Variants in GRIK2 observed in about 807,000 individuals in gnomAD.
GRIK2 encodes glutamate receptor ionotropic, kainate 2.
A neutral mutation model predicts 100.3 loss-of-function variants in GRIK2; 32 were observed. The observed-to-expected ratio is 0.32, with a 90% confidence interval of 0.24 to 0.43. The LOEUF is 0.43. GRIK2 is among the 20% of genes least tolerant of loss of function. The probability of loss-of-function intolerance (pLI) is 1.00; values close to 1 mark genes in which losing one functional copy is unlikely to be tolerated. For synonymous variants in GRIK2, 417 were observed against 389.4 expected (o/e 1.07, Z -0.83); for missense variants, 843 against 1,114.9 (o/e 0.76, Z 3.47).
rs533073398 is a variant in GRIK2 at position 101,908,851 on chromosome 6, T to C, written c.1749-15750T>C. Among the ~76,000 whole-genome samples, 3 of 151,418 alleles carry C rather than the reference T, an allele frequency of 2.0e-5. No homozygotes were observed. In the South Asian group the frequency reaches 6.2e-4, roughly 31 times the overall value. ...AATATCAATCATATTGAGAACATCA[T>C]AAAATTCTTTTGGAATGAAAAGGTG... On this transcript the variant is annotated intron_variant, in intron 12 of 16. Coordinates refer to ENST00000369134, the MANE Select transcript of GRIK2 (RefSeq NM_021956.5).
intron 2 of GRIK2, among the ~76,000 whole-genome samples, chr6:101,438,035 C>A (rs1190119894): frequency 6.6e-6 from 1 of 152,130 alleles, no homozygotes; most frequent in East Asian, 1.9e-4. Flanking sequence ...TGCTACCAAA[C>A]AGCTATGATA....
intron 2 of GRIK2, among the ~76,000 whole-genome samples, chr6:101,527,322 C>G (rs142878804): frequency 1.3e-3 from 196 of 152,242 alleles, no homozygotes; most frequent in African/African-American, 4.5e-3. Flanking sequence ...TTCCACCAAT[C>G]AATTTTCAGA....
rs1372120727 is a variant in GRIK2, at chr6:101,899,096, G to GT, written c.1748+9238dup. Among the ~76,000 whole-genome samples, 304 of 133,076 alleles carry GT rather than the reference G, an allele frequency of 2.3e-3. 2 individuals are homozygous for GT. The highest frequency in any genetic ancestry group is 5.4e-3 in the African/African-American group (196 of 36,182). The allele number at this position is 133,076 out of a possible 152,430, so 87.3% of individuals were successfully genotyped here. A position where few individuals can be genotyped will look rare whatever the true frequency, so the allele number is the denominator to read the frequency against. Reference sequence around the variant, plus strand: ...AGAAAGAGAGAGGTTTCTTTTTGTTGTTTTTGTTTTTTTTTTTTTTAAGAA... The same window carrying GT: ...AGAAAGAGAGAGGTTTCTTTTTGTTGTTTTTTGTTTTTTTTTTTTTTAAGAA... On this transcript the variant is annotated intron_variant, in intron 12 of 16. Transcript: ENST00000369134.
chr6:101,495,984 C>T (rs971920220), intron 2 of GRIK2, among the ~76,000 whole-genome samples: 6 of 152,070 alleles, frequency 3.9e-5, no homozygotes, highest in East Asian at 1.9e-4. Context: ...CTCACTCTGT[C>T]GCCCAGTCTG....
intron 4 of GRIK2, among the ~76,000 whole-genome samples, chr6:101,640,784 A>T (rs931656928): frequency 7.2e-5 from 11 of 152,180 alleles, no homozygotes; most frequent in Admixed American, 5.9e-4. Context: ...TGATGCCATT[A>T]GTTTAGTAAC....
At chr6:101,440,494 A>G (rs1160192087) in intron 2 of GRIK2, among the ~76,000 whole-genome samples, 1 of 152,172 alleles carries the variant, frequency 6.6e-6, no homozygotes, top group African/African-American at 2.4e-5. Flanking sequence ...TGGTTAATCA[A>G]CTAATTCTAA....
At chr6:101,646,439 G>A (rs1292660558) in intron 4 of GRIK2, among the ~76,000 whole-genome samples, 2 of 151,748 alleles carry the variant, frequency 1.3e-5, no homozygotes, top group African/African-American at 4.8e-5. Flanking sequence ...TAATTACAAA[G>A]GGCAGGAAAA....
At chr6:101,559,323 A>G (rs1776890297) in intron 2 of GRIK2, among the ~76,000 whole-genome samples, 1 of 152,132 alleles carries the variant, frequency 6.6e-6, no homozygotes. Flanking sequence ...ACAGAATAAA[A>G]TCCAACTTTG....
At chr6:101,411,828 TAAAC>T (rs1775896622) in intron 2 of GRIK2, among the ~76,000 whole-genome samples, 1 of 152,106 alleles carries the variant, frequency 6.6e-6, no homozygotes, top group African/African-American at 2.4e-5. Flanking sequence ...AAAGGGATCT[TAAAC>T]AGGTGTTGTT....
intron 12 of GRIK2, among the ~76,000 whole-genome samples, chr6:101,914,620 G>GC (rs1302082480): frequency 2.0e-5 from 3 of 151,120 alleles, no homozygotes; most frequent in South Asian, 2.1e-4. Flanking sequence ...ACAATGTGTT[G>GC]CCCCCCCACC....
At position 101,895,475 on chromosome 6, in the gene GRIK2, G is replaced by T. The variant is rs115315178; in HGVS notation, c.1748+5612G>T. On this transcript the variant is annotated intron_variant, in intron 12 of 16. Transcript: ENST00000369134. ...CATATCCAAAGTGCTTACATTAACA[G>T]CTTTGATCTCAGCTATGGACTAGCG... 5.2e-3 allele frequency among the ~76,000 whole-genome samples: 794 copies of T among 151,774 alleles called. 4 individuals are homozygous for T. The highest frequency in any genetic ancestry group is 0.018 in the African/African-American group (750 of 41,500).
At chr6:101,842,819 G>C (rs998551965) in intron 10 of GRIK2, among the ~76,000 whole-genome samples, 2 of 152,090 alleles carry the variant, frequency 1.3e-5, no homozygotes, top group African/African-American at 4.8e-5. Flanking sequence ...ACTTTTGAGT[G>C]GGATGTGGGT....
chr6:101,395,722 A>G (rs935450456), intron 1 of GRIK2, among the ~76,000 whole-genome samples: 1 of 152,166 alleles, frequency 6.6e-6, no homozygotes, highest in Non-Finnish European at 1.5e-5. Flanking sequence ...TTAACATGAT[A>G]TGCATTTTCT....
At chr6:101,680,955 C>A (rs1036561985) in intron 5 of GRIK2, among the ~76,000 whole-genome samples, 2 of 152,102 alleles carry the variant, frequency 1.3e-5, no homozygotes, top group African/African-American at 4.8e-5. Context: ...TTGATGCCAC[C>A]TTTCATTAAC....
At chr6:101,792,613 C>T (rs1183365893) in intron 7 of GRIK2, among the ~76,000 whole-genome samples, 3 of 152,136 alleles carry the variant, frequency 2.0e-5, no homozygotes, top group Middle Eastern at 3.4e-3. Context: ...GAGGGTAACC[C>T]GACCTTTCTC....
intron 14 of GRIK2, among the ~76,000 whole-genome samples, chr6:102,001,589 C>G (rs949771633): frequency 2.0e-5 from 3 of 151,948 alleles, no homozygotes; most frequent in African/African-American, 7.2e-5. Flanking sequence ...GCCACATTTT[C>G]TTTATCCAGT....
intron 2 of GRIK2, among the ~76,000 whole-genome samples, chr6:101,425,115 G>A (rs1346856760): frequency 4.6e-5 from 7 of 152,032 alleles, no homozygotes; most frequent in East Asian, 1.9e-4. Flanking sequence ...GAATAGTGCC[G>A]CAGTAAACAT....
chr6:101,889,582 AT>A, intron 11 of GRIK2, 57 bp from the exon 12 acceptor site: 1 of 1,004,044 alleles, frequency 1.0e-6, no homozygotes, highest in Non-Finnish European at 1.5e-6. Flanking sequence ...CTGAAAATCA[AT>A]TTTTTCTCTC....
intron 9 of GRIK2, among the ~76,000 whole-genome samples, chr6:101,817,881 C>T (rs980790889): frequency 5.9e-5 from 9 of 152,252 alleles, no homozygotes; most frequent in Admixed American, 5.9e-4. Context: ...ATGGTCTTAT[C>T]CCACCAGGGG....
Sources: gnomAD v4.1 joint callset for allele counts (sites outside exome capture counted in the v4.1 genomes callset) on GRCh38, gnomAD v4.1.1 for gene constraint, MANE v1.5 for transcripts, NCBI Gene and HGNC (gene_info 2026-07-23, HGNC 2026-07-21) for gene names.